The following KCNA2 variants were observed in gnomAD, a reference collection of about 807,000 sequenced individuals.
KCNA2 encodes the protein potassium voltage-gated channel subfamily A member 2.
In KCNA2, 11 loss-of-function variants were observed where a neutral mutation model predicts 33.4. The observed-to-expected ratio is 0.33, with a 90% CI of 0.21 to 0.55. The LOEUF (loss-of-function observed/expected upper bound fraction) is 0.55. KCNA2 is among the 20% of genes least tolerant of loss of function. The pLI is 0.93. For missense variants in KCNA2, 291 were observed against 621.6 expected, an observed-to-expected ratio of 0.47 and a Z score of 5.66; for synonymous variants, 222 against 231.3, an observed-to-expected ratio of 0.96 and a Z score of 0.37.
rs375861451 is a variant in KCNA2, at chr1:110,627,845, A to G, written c.-496+3550T>C. 1.6e-4 allele frequency among the ~76,000 whole-genome samples: 24 copies of G among 152,180 alleles called. No individual in the cohort carries two copies. The South Asian group carries it at 4.8e-3, about 30-fold the overall frequency. ...CCCTGTCTCAAAAAAAAAAAAAATA[A>G]TAATAATGCCAGGCTTGATGGGGAC... On this transcript the variant is annotated intron_variant, in intron 1 of 4. Transcript: ENST00000369770.
chr1:110,624,411 T>C (rs563322145), intron 1 of KCNA2, among the ~76,000 whole-genome samples: 2 of 152,356 alleles, frequency 1.3e-5, no homozygotes, highest in South Asian at 4.1e-4. Flanking sequence ...ATGACTCCAC[T>C]CCTGTGAAAT....
chr1:110,596,025 A>C lies in KCNA2; in HGVS notation c.*7258T>G. On this transcript the variant is annotated 3_prime_UTR_variant, in exon 3 of 3. Coordinates refer to ENST00000316361, the MANE Select transcript of KCNA2 (RefSeq NM_004974.4). Reference sequence around the variant, plus strand: ...CCAGGGCAGACAGAAGAAAGGCTAAAGCACCTGGCTGTTAGATCAGACTTC... The same window carrying C: ...CCAGGGCAGACAGAAGAAAGGCTAACGCACCTGGCTGTTAGATCAGACTTC... The C allele has an allele frequency of 1.0e-6, 1 of 985,480 alleles. No homozygotes were observed. Among genetic ancestry groups the C allele is most frequent in the Non-Finnish European group, 1.2e-6 (1 of 829,942 alleles). The allele number at this position is 985,480 out of a possible 1,614,324, so 61.0% of individuals were successfully genotyped here. A position where few individuals can be genotyped will look rare whatever the true frequency, so the allele number is the denominator to read the frequency against.
chr1:110,622,047 A>G (rs1650271724), intron 1 of KCNA2, among the ~76,000 whole-genome samples: 1 of 152,166 alleles, frequency 6.6e-6, no homozygotes, highest in African/African-American at 2.4e-5. Flanking sequence ...AAACATCACC[A>G]GTAAAGAAAA....
intron 1 of KCNA2, among the ~76,000 whole-genome samples, chr1:110,628,236 C>T (rs1331951824): frequency 6.6e-6 from 1 of 152,082 alleles, no homozygotes; most frequent in Non-Finnish European, 1.5e-5. Context: ...GTCCTCCACA[C>T]TGGGTATATC....
At chr1:110,610,997 C>A (rs1462658218), upstream of KCNA2, among the ~76,000 whole-genome samples, 1 of 148,760 alleles carries the variant, frequency 6.7e-6, no homozygotes. Context: ...CCCCTTGCTT[C>A]ATAGGGCTTA....
At chr1:110,615,003 T>C (rs1018986017) in intron 1 of KCNA2, among the ~76,000 whole-genome samples, 1 of 152,348 alleles carries the variant, frequency 6.6e-6, no homozygotes, top group Non-Finnish European at 1.5e-5. Context: ...GCAAACCTGA[T>C]GCTCAGTGCA....
At chr1:110,620,892 G>A (rs550981023) in intron 1 of KCNA2, among the ~76,000 whole-genome samples, 44 of 152,308 alleles carry the variant, frequency 2.9e-4, no homozygotes, top group Middle Eastern at 3.4e-3. Flanking sequence ...CTGAACATTT[G>A]TAACAACCAA....
At chr1:110,611,926 G>A (rs1219423391) in intron 1 of KCNA2, among the ~76,000 whole-genome samples, 1 of 152,192 alleles carries the variant, frequency 6.6e-6, no homozygotes, top group Non-Finnish European at 1.5e-5. Flanking sequence ...GGAGGCTTAG[G>A]TAGGCGGATC....
At chr1:110,615,912 G>A (rs1484208147) in intron 1 of KCNA2, among the ~76,000 whole-genome samples, 1 of 152,196 alleles carries the variant, frequency 6.6e-6, no homozygotes, top group African/African-American at 2.4e-5. Flanking sequence ...CTGTTCACCT[G>A]AAATTCTAGG....
At chr1:110,624,302 C>T (rs1430309281) in intron 1 of KCNA2, among the ~76,000 whole-genome samples, 1 of 152,216 alleles carries the variant, frequency 6.6e-6, no homozygotes, top group African/African-American at 2.4e-5. Context: ...GAATGCTATT[C>T]AGCAATAAAA....
Position 110,598,059 on chromosome 1 carries a change from C to A in KCNA2, c.*5224G>T. The stretch of plus-strand genomic sequence containing the variant: ...AGCTACTGAGAGAGCTCCCAGCATC[C>A]CCCTCTCTGCGCGTTGGCTCAGGTG... On this transcript the variant is annotated 3_prime_UTR_variant, in exon 3 of 3. Coordinates refer to ENST00000316361, the MANE Select transcript of KCNA2 (RefSeq NM_004974.4). The A allele has an allele frequency of 2.0e-6, 2 of 985,358 alleles. No individual in the cohort carries two copies. The highest frequency in any genetic ancestry group is 1.7e-5 in the African/African-American group (1 of 57,316). 61.0% of individuals were successfully genotyped at this position (985,358 alleles called of 1,614,324 possible). A position where few individuals can be genotyped will look rare whatever the true frequency, so the allele number is the denominator to read the frequency against.
intron 1 of KCNA2, among the ~76,000 whole-genome samples, chr1:110,631,224 T>G (rs2101479398): frequency 6.6e-6 from 1 of 152,280 alleles, no homozygotes; most frequent in South Asian, 2.1e-4. Context: ...AGGTGTCAAA[T>G]CCCTTGTCTG....
intron 1 of KCNA2, among the ~76,000 whole-genome samples, chr1:110,624,685 G>A (rs1167069835): frequency 6.6e-6 from 1 of 152,206 alleles, no homozygotes; most frequent in Admixed American, 6.5e-5. Context: ...TGGGAAAAAT[G>A]TGCCAACATA....
At chr1:110,613,814 C>G (rs1420952769) in intron 1 of KCNA2, among the ~76,000 whole-genome samples, 1 of 152,174 alleles carries the variant, frequency 6.6e-6, no homozygotes, top group Non-Finnish European at 1.5e-5. Context: ...AACTCAGGCA[C>G]TGTGGCTCCA....
At chr1:110,630,618 A>C (rs184363464) in intron 1 of KCNA2, among the ~76,000 whole-genome samples, 1 of 152,350 alleles carries the variant, frequency 6.6e-6, no homozygotes, top group East Asian at 1.9e-4. Flanking sequence ...TAGATAAAAT[A>C]CATAAGCACT....
In KCNA2 at chr1:110,597,561, C is replaced by A; in HGVS notation, c.*5722G>T. On this transcript the variant is annotated 3_prime_UTR_variant, in exon 3 of 3. Coordinates refer to ENST00000316361, the MANE Select transcript of KCNA2 (RefSeq NM_004974.4). ...CAAAGTGACAAAGCCCTCTCACAGG[C>A]CTTCCTTGTGCATACACTGCATCTT... 1 of 985,376 alleles carries A rather than the reference C, an allele frequency of 1.0e-6. No individual in the cohort carries two copies. Among genetic ancestry groups the A allele is most frequent in the Non-Finnish European group, 1.2e-6 (1 of 829,934 alleles). 61.0% of individuals were successfully genotyped at this position (985,376 alleles called of 1,614,324 possible). A position where few individuals can be genotyped will look rare whatever the true frequency, so the allele number is the denominator to read the frequency against.
intron 1 of KCNA2, among the ~76,000 whole-genome samples, chr1:110,620,926 G>T (rs181181038): frequency 1.3e-5 from 2 of 152,320 alleles, no homozygotes; most frequent in East Asian, 3.9e-4. Context: ...TGGCGTGAGA[G>T]GCTGTGGACT....
upstream of KCNA2, among the ~76,000 whole-genome samples, chr1:110,611,071 A>AGG (rs1649855969): frequency 6.7e-6 from 1 of 150,372 alleles, no homozygotes; most frequent in Non-Finnish European, 1.5e-5. Context: ...GAAGGAAGGA[A>AGG]AGGGACCTTC....
rs1649401661 is a variant in KCNA2 at position 110,602,414 on chromosome 1, T to C, written c.*869A>G. 7.4e-7 allele frequency: 1 copy of C among 1,348,368 alleles called. No individual in the cohort carries two copies. The highest frequency in any genetic ancestry group is 3.3e-5 in the Admixed American group (1 of 29,968). The allele number at this position is 1,348,368 out of a possible 1,614,324, so 83.5% of individuals were successfully genotyped here. On this transcript the variant is annotated 3_prime_UTR_variant, in exon 3 of 3. Transcript: ENST00000316361. ...CATGCAACAAACACCCATGCAGCTCTATTGCATCACTGGTAAATTTCACTG... is the reference window on the plus strand; with the variant it reads ...CATGCAACAAACACCCATGCAGCTCCATTGCATCACTGGTAAATTTCACTG...
Sources: gnomAD v4.1 joint callset for allele counts (sites outside exome capture counted in the v4.1 genomes callset) on GRCh38, gnomAD v4.1.1 for gene constraint, MANE v1.5 for transcripts, NCBI Gene and HGNC (gene_info 2026-07-23, HGNC 2026-07-21) for gene names.